Variants in LACTBL1 observed in about 807,000 individuals in gnomAD.
The protein encoded by LACTBL1 is lactamase beta like 1.
In LACTBL1, 29 loss-of-function variants were observed where a neutral mutation model predicts 39.6. The ratio of observed to expected loss-of-function variants is 0.73; its 90% CI spans 0.55 to 1.00. The LOEUF is 1.00. LACTBL1 is among the 50% of genes least tolerant of loss of function. The pLI, the probability that LACTBL1 is intolerant of heterozygous loss-of-function variation, is 0.00. For synonymous variants in LACTBL1, 361 were observed against 360.7 expected, an observed-to-expected ratio of 1.00 and a Z score of -0.01; for missense variants, 711 against 748.5, an observed-to-expected ratio of 0.95 and a Z score of 0.59.
chr1:22,968,987 A>G (rs1039613076), upstream of LACTBL1, among the ~76,000 whole-genome samples: 1 of 152,180 alleles, frequency 6.6e-6, no homozygotes, highest in Non-Finnish European at 1.5e-5. Flanking sequence ...TATGTTGCTC[A>G]GGCTGGTCTC....
chr1:22,954,797 T>G (rs1376624188), intron 5 of LACTBL1, among the ~76,000 whole-genome samples: 3 of 152,118 alleles, frequency 2.0e-5, no homozygotes, highest in Admixed American at 6.5e-5. Context: ...AGGGACAAAT[T>G]TGGAAAAGGG....
chr1:22,967,585 CAT>C (rs756400065), upstream of LACTBL1, among the ~76,000 whole-genome samples: 11 of 150,194 alleles, frequency 7.3e-5, no homozygotes, highest in South Asian at 4.2e-4. Context: ...CACACACACA[CAT>C]ACATAGATAT....
intron 2 of LACTBL1, among the ~76,000 whole-genome samples, chr1:22,960,340 G>C (rs183837693): frequency 6.6e-6 from 1 of 152,192 alleles, no homozygotes; most frequent in Non-Finnish European, 1.5e-5. Flanking sequence ...TTAAGGCTGG[G>C]CATGGTGGCT....
At chr1:22,965,462 G>T (rs534180887), upstream of LACTBL1, 14 of 1,233,216 alleles carry the variant, frequency 1.1e-5, no homozygotes, top group Non-Finnish European at 1.3e-5. Context: ...GTCCCCTTGG[G>T]GGTCAGTCAG....
the LACTBL1 span, among the ~76,000 whole-genome samples, chr1:22,971,856 A>C: frequency 6.6e-6 from 1 of 152,320 alleles, no homozygotes; most frequent in South Asian, 2.1e-4. Context: ...AGAATAAATA[A>C]GATAGTGCAT....
At chr1:22,959,650 G>A (rs552524340) in intron 3 of LACTBL1, among the ~76,000 whole-genome samples, 1 of 152,354 alleles carries the variant, frequency 6.6e-6, no homozygotes, top group Non-Finnish European at 1.5e-5. Context: ...GTCAGGGTTG[G>A]GGGGATGGGC....
At chr1:22,972,737 C>T in the LACTBL1 span, among the ~76,000 whole-genome samples, 4 of 152,178 alleles carry the variant, frequency 2.6e-5, no homozygotes, top group African/African-American at 9.7e-5. Flanking sequence ...AGAGAACAAT[C>T]TGGTCAGGCC....
At chr1:22,954,218 A>G (rs928383703) in intron 5 of LACTBL1, among the ~76,000 whole-genome samples, 194 bp from the exon 8 acceptor site, 1 of 152,232 alleles carries the variant, frequency 6.6e-6, no homozygotes, top group African/African-American at 2.4e-5. Flanking sequence ...ACCAAGGCCC[A>G]GAGAGGGGCG....
chr1:22,959,952 T>G (rs781686959), exon 3 of LACTBL1: 4 of 1,551,038 alleles, frequency 2.6e-6, no homozygotes, highest in Admixed American at 3.9e-5. Context: ...CTGTACATGG[T>G]GTACTCATTG....
At chr1:22,958,787 C>A in exon 4 of LACTBL1, 3 of 1,550,672 alleles carry the variant, frequency 1.9e-6, no homozygotes, top group Middle Eastern at 1.7e-4. Flanking sequence ...TCGGCTGATG[C>A]CAGGCCCAGC....
rs1195734237 is a variant in LACTBL1 at position 22,959,994 on chromosome 1, TC to T, written c.264del (p.Lys89ArgfsTer43). The T allele has an allele frequency of 1.3e-6, 2 of 1,551,158 alleles. No homozygotes were observed. Among genetic ancestry groups the T allele is most frequent in the Admixed American group, 3.9e-5 (2 of 51,016 alleles). On this transcript the variant is annotated frameshift_variant, in exon 3 of 6. Transcript: ENST00000426928. LOFTEE classifies it high-confidence loss of function. ...CCAGAAGCCGGGTCTGAGCCATTCT[TC>T]TTCCCAAAGTTCCCTGTCCAGAGCA...
intron 4 of LACTBL1, among the ~76,000 whole-genome samples, chr1:22,956,065 A>C (rs1297366659): frequency 2.8e-4 from 4 of 14,322 alleles, no homozygotes; most frequent in Admixed American, 8.4e-4. Flanking sequence ...CTCCATCTCA[A>C]AAAAAAAAAA....
chr1:22,965,270 A>G lies in LACTBL1; in HGVS notation c.49+20T>C. Reference sequence around the variant, plus strand: ...CCCAGGGGGCTATGGGGAGGAACTCAAGGCTGTCTCTGCACTCACCGGTCT... The same window carrying G: ...CCCAGGGGGCTATGGGGAGGAACTCGAGGCTGTCTCTGCACTCACCGGTCT... On this transcript the variant is annotated intron_variant, in intron 1 of 5. Coordinates refer to ENST00000426928, the Ensembl canonical transcript of LACTBL1. The G allele has an allele frequency of 1.5e-6, 2 of 1,312,034 alleles. No individual in the cohort carries two copies. The highest frequency in any genetic ancestry group is 2.5e-5 in the South Asian group (1 of 40,266). 81.3% of individuals were successfully genotyped at this position (1,312,034 alleles called of 1,614,324 possible). A position where few individuals can be genotyped will look rare whatever the true frequency, so the allele number is the denominator to read the frequency against.
At chr1:22,962,351 T>A (rs1041826857) in intron 2 of LACTBL1, among the ~76,000 whole-genome samples, 1 of 152,114 alleles carries the variant, frequency 6.6e-6, no homozygotes. Flanking sequence ...CGGATGATAG[T>A]TTTGAGTCTC....
At chr1:22,956,090 G>T (rs7548585) in intron 4 of LACTBL1, among the ~76,000 whole-genome samples, 14,562 of 147,184 alleles carry the variant, frequency 0.099, 1,238 homozygotes, top group African/African-American at 0.19. Context: ...AAAAGAGTTT[G>T]GTCCAGGTGT....
intron 4 of LACTBL1, among the ~76,000 whole-genome samples, chr1:22,955,969 C>G (rs1305773781): frequency 6.7e-6 from 1 of 149,818 alleles, no homozygotes; most frequent in African/African-American, 2.5e-5. Context: ...GAGGTTGAGG[C>G]AGGGGAATTG....
chr1:22,953,895 A>G, exon 6 of LACTBL1: 1 of 1,550,172 alleles, frequency 6.5e-7, no homozygotes, highest in South Asian at 1.2e-5. Context: ...GCGTGAGGTC[A>G]AAGCCCGTGT....
upstream of LACTBL1, chr1:22,965,357 G>A: frequency 7.8e-7 from 1 of 1,277,482 alleles, no homozygotes; most frequent in Non-Finnish European, 9.9e-7. Context: ...AGAGCAGGCA[G>A]AAGAAGCTGC....
At position 22,953,727 on chromosome 1, in the gene LACTBL1, C is replaced by T. The variant is rs948600767; in HGVS notation, c.957G>A (p.Arg319=). 7 of 1,337,780 alleles carry T rather than the reference C, an allele frequency of 5.2e-6. No homozygotes were observed. The African/African-American group carries it at 9.3e-5, about 18-fold the overall frequency. The allele number at this position is 1,337,780 out of a possible 1,614,324, so 82.9% of individuals were successfully genotyped here. Residue 319 remains arginine, a synonymous_variant, in exon 6 of 6, where the codon CGG becomes CGA. Coordinates refer to ENST00000426928, the Ensembl canonical transcript of LACTBL1. ...TCTTGGCCGCGTCGGGCCGCAGGAG[C>T]CGCCGGGGCCCGCCGCCCAGGAGCG...
Sources: gnomAD v4.1 joint callset for allele counts (sites outside exome capture counted in the v4.1 genomes callset) on GRCh38, gnomAD v4.1.1 for gene constraint, MANE v1.5 for transcripts, NCBI Gene and HGNC (gene_info 2026-07-23, HGNC 2026-07-21) for gene names.